The following CEP350 variants were observed in gnomAD, a reference collection of about 807,000 sequenced individuals.
CEP350 encodes centrosomal protein 350.
A neutral mutation model predicts 331.8 loss-of-function variants in CEP350; 126 were observed. The ratio of observed to expected loss-of-function variants is 0.38; its 90% CI spans 0.33 to 0.44. The LOEUF (loss-of-function observed/expected upper bound fraction) is 0.44, where lower values mean the gene tolerates loss of function less well. Ranked by LOEUF, CEP350 falls within the 20% of genes least tolerant of loss-of-function variation. CEP350 has a pLI of 1.00. For synonymous variants in CEP350, 1,200 were observed against 1,259.5 expected (o/e 0.95, Z 1.00); for missense variants, 3,406 against 3,634.6 (o/e 0.94, Z 1.62).
At chr1:180,088,144 C>G (rs966251858) in intron 32 of CEP350, among the ~76,000 whole-genome samples, 2 of 151,922 alleles carry the variant, frequency 1.3e-5, no homozygotes, top group Non-Finnish European at 2.9e-5. Flanking sequence ...TAATAACATT[C>G]GTTATATTCT....
intron 27 of CEP350, among the ~76,000 whole-genome samples, chr1:180,067,365 GC>G (rs1484689635): frequency 6.6e-6 from 1 of 152,168 alleles, no homozygotes; most frequent in East Asian, 1.9e-4. Flanking sequence ...GGCAGTAGTG[GC>G]AAAGAAATGT....
chr1:180,110,954 G>T, intron 37 of CEP350, 43 bp from the exon 38 acceptor site: 1 of 1,551,536 alleles, frequency 6.4e-7, no homozygotes, highest in Non-Finnish European at 8.9e-7. Context: ...TCTAGCTTTT[G>T]TATGACAGGA....
rs772193635 is a variant in CEP350, at chr1:180,020,318, G to A, written c.2544G>A (p.Gly848=). Residue 848 remains glycine (G), a synonymous_variant, in exon 12 of 38, where the codon GGG becomes GGA. Coordinates refer to ENST00000367607, the MANE Select transcript of CEP350 (RefSeq NM_014810.5). ...AAAGTGAAGCCAAGAAATTAGCTGG[G>A]GCCAGCATTAACTATGGGTCAGCAT... ...RIESEAKKLA[G]ASINYGSAWN... is the part of the protein sequence containing the mutation. The A allele has an allele frequency of 1.2e-6, 2 of 1,613,912 alleles. No individual in the cohort carries two copies. Among genetic ancestry groups the A allele is most frequent in the Admixed American group, 1.7e-5 (1 of 60,016 alleles).
At chr1:180,045,179 T>TA (rs1657042301) in intron 21 of CEP350, among the ~76,000 whole-genome samples, 1 of 151,922 alleles carries the variant, frequency 6.6e-6, no homozygotes, top group Non-Finnish European at 1.5e-5. Context: ...CCATCTCTAC[T>TA]AAAAAAACAA....
At chr1:180,056,773 A>G (rs1453669696) in intron 25 of CEP350, among the ~76,000 whole-genome samples, 1 of 151,492 alleles carries the variant, frequency 6.6e-6, no homozygotes, top group Non-Finnish European at 1.5e-5. Flanking sequence ...CTTCTACCTC[A>G]TTCTTTTTCT....
At chr1:180,098,051 AC>A (rs1406514106) in intron 36 of CEP350, among the ~76,000 whole-genome samples, 1 of 151,510 alleles carries the variant, frequency 6.6e-6, no homozygotes, top group African/African-American at 2.4e-5. Flanking sequence ...GCCCACTGCA[AC>A]CTCCGCCTCC....
chr1:180,029,574 T>C (rs1225371662), intron 14 of CEP350, among the ~76,000 whole-genome samples: 3 of 152,212 alleles, frequency 2.0e-5, no homozygotes, highest in Admixed American at 2.0e-4. Flanking sequence ...CAGAACTTTC[T>C]CAGTTTCCCG....
chr1:180,025,146 G>C (rs994393082), intron 14 of CEP350, among the ~76,000 whole-genome samples: 1 of 151,860 alleles, frequency 6.6e-6, no homozygotes, highest in African/African-American at 2.4e-5. Context: ...GGATGGTCTC[G>C]ATCTCCTGAC....
chr1:179,989,975 G>C (rs1322353163), intron 3 of CEP350, among the ~76,000 whole-genome samples: 1 of 151,700 alleles, frequency 6.6e-6, no homozygotes, highest in Admixed American at 6.6e-5. Context: ...GATCACCTGG[G>C]GTCAGGAGAT....
Position 179,994,149 on chromosome 1 carries a change from C to T in CEP350, c.395+1928C>T, listed in dbSNP as rs1308848721. 3.3e-5 allele frequency among the ~76,000 whole-genome samples: 5 copies of T among 152,156 alleles called. 1 individual carries two copies. The South Asian group carries it at 8.3e-4, about 25-fold the overall frequency. On this transcript the variant is annotated intron_variant, in intron 5 of 37. Coordinates refer to ENST00000367607, the MANE Select transcript of CEP350 (RefSeq NM_014810.5). ...TTGAAAGAATTGTATAGTGAACATC[C>T]TTATATGTATTCAGTAAATATTTAA...
At chr1:180,005,236 TGGA>T in intron 7 of CEP350, among the ~76,000 whole-genome samples, 1 of 152,144 alleles carries the variant, frequency 6.6e-6, no homozygotes, top group Admixed American at 6.6e-5. Flanking sequence ...TGTCTCCCTT[TGGA>T]TGTATAATAG....
chr1:180,075,038 G>A lies in CEP350; in HGVS notation c.5584G>A (p.Glu1862Lys). 1 of 1,611,302 alleles carries A rather than the reference G, an allele frequency of 6.2e-7. No homozygotes were observed. Among genetic ancestry groups the A allele is most frequent in the Admixed American group, 1.7e-5 (1 of 59,472 alleles). The change falls in exon 28 of 38, where the codon GAG (glutamate) becomes AAG (lysine). Residue 1862 changes from glutamate (E) to lysine (K), a missense_variant. Glu to Lys is a moderately conservative substitution (Grantham distance 56). Transcript: ENST00000367607. Reference sequence around the variant, plus strand: ...TGACCATAGGTTTCTGACAAAGCGGGAGCAAAAATTAATGCAACGGCGACA... The same window carrying A: ...TGACCATAGGTTTCTGACAAAGCGGAAGCAAAAATTAATGCAACGGCGACA... ...RMDEKFLTKR[E>K]QKLMQRRQHA...
chr1:179,991,667 A>ATATGTGTGTGTGTG (rs1553252542), intron 4 of CEP350, among the ~76,000 whole-genome samples: 5 of 90,212 alleles, frequency 5.5e-5, no homozygotes, highest in Admixed American at 1.3e-4. Context: ...ATATATATAT[A>ATATGTGTGTGTGTG]TGTGTGTGTG....
intron 13 of CEP350, among the ~76,000 whole-genome samples, chr1:180,023,819 TATC>T (rs1392458605): frequency 3.3e-5 from 5 of 152,218 alleles, no homozygotes; most frequent in African/African-American, 1.2e-4. Flanking sequence ...TCATATTTAA[TATC>T]ATCTTTTTCA....
At chr1:180,069,077 A>G (rs563756481) in intron 27 of CEP350, among the ~76,000 whole-genome samples, 1 of 152,294 alleles carries the variant, frequency 6.6e-6, no homozygotes, top group South Asian at 2.1e-4. Flanking sequence ...TTGAATTAGT[A>G]AGTACTTTCA....
At position 180,020,661 on chromosome 1, in the gene CEP350, A is replaced by G. The variant is rs1238163737; in HGVS notation, c.2887A>G (p.Met963Val). 1.2e-6 allele frequency: 2 copies of G among 1,614,048 alleles called. No homozygotes were observed. The highest frequency in any genetic ancestry group is 8.5e-7 in the Non-Finnish European group (1 of 1,179,904). Reference sequence around the variant, plus strand: ...GCAGACTGACTCTTCTAGCTCTGATATGCAAGCCTGTTCTCAAGACAAAGC... The same window carrying G: ...GCAGACTGACTCTTCTAGCTCTGATGTGCAAGCCTGTTCTCAAGACAAAGC... Reference protein sequence around the residue: ...KRQTDSSSSDMQACSQDKAKI... With the variant: ...KRQTDSSSSDVQACSQDKAKI... The change falls in exon 12 of 38, where the codon ATG (methionine) becomes GTG (valine). Residue 963 changes from methionine to valine, a missense_variant. Physicochemically the swap from Met to Val is conservative, Grantham distance 21. Transcript: ENST00000367607.
intron 11 of CEP350, among the ~76,000 whole-genome samples, chr1:180,019,454 A>G (rs982011370): frequency 6.6e-6 from 1 of 152,198 alleles, no homozygotes; most frequent in African/African-American, 2.4e-5. Flanking sequence ...ATTGTTAAAC[A>G]TAAGTGTTCA....
intron 3 of CEP350, 24 bp from the exon 4 acceptor site, chr1:179,990,483 C>A: frequency 8.1e-7 from 1 of 1,232,944 alleles, no homozygotes; most frequent in South Asian, 1.4e-5. Flanking sequence ...TAACTTATGT[C>A]TTATGATGGT....
intron 8 of CEP350, among the ~76,000 whole-genome samples, chr1:180,007,870 GTGTGTGTGT>G (rs1654366897): frequency 6.6e-6 from 1 of 151,228 alleles, no homozygotes; most frequent in Non-Finnish European, 1.5e-5. Context: ...GTGTGTGTGT[GTGTGTGTGT>G]TAAGGGGTAA....
Sources: allele counts gnomAD v4.1 joint callset (sites outside exome capture counted in the v4.1 genomes callset), GRCh38; gene constraint gnomAD v4.1.1; transcripts MANE v1.5; gene names NCBI Gene and HGNC (gene_info 2026-07-23, HGNC 2026-07-21).